The following HYDIN variants were observed in gnomAD, a reference collection of about 807,000 sequenced individuals.
HYDIN encodes axonemal central pair apparatus protein HYDIN.
In HYDIN, 132 loss-of-function variants were observed where a neutral mutation model predicts 403.9. That is an observed-to-expected ratio of 0.33 (90% confidence interval 0.28 to 0.38). The LOEUF is 0.38. HYDIN is among the 10% of genes least tolerant of loss of function. The pLI, the probability that HYDIN is intolerant of heterozygous loss-of-function variation, is 1.00. For synonymous variants in HYDIN, 1,202 were observed against 1,891.7 expected, an observed-to-expected ratio of 0.64 and a Z score of 9.46; for missense variants, 2,827 against 5,009.5, an observed-to-expected ratio of 0.56 and a Z score of 13.15.
chr16:71,042,997 T>C (rs1446799958), intron 18 of HYDIN, among the ~76,000 whole-genome samples: 2 of 151,270 alleles, frequency 1.3e-5, no homozygotes, highest in African/African-American at 2.4e-5. Context: ...AAAAGGTATG[T>C]GGAGTGTAAA....
rs1232693400 is a variant in HYDIN at position 70,833,052 on chromosome 16, G to A, written c.13695C>T (p.Ile4565=). Residue 4565 remains isoleucine (I), a synonymous_variant, in exon 80 of 86, where the codon ATC becomes ATT. Transcript: ENST00000393567. Reference sequence around the variant, plus strand: ...TGGAGAAATGAGGCTCAAATTTTTTGATGTCCCATTTAAACCTTTTCCAAG... The same window carrying A: ...TGGAGAAATGAGGCTCAAATTTTTTAATGTCCCATTTAAACCTTTTCCAAG... ...GDVGARFKWD[I]KKFEPHFSIS... is the part of the protein sequence containing the mutation. 6.2e-7 allele frequency: 1 copy of A among 1,612,702 alleles called. No homozygotes were observed. The highest frequency in any genetic ancestry group is 8.5e-7 in the Non-Finnish European group (1 of 1,179,520).
In HYDIN at chr16:71,022,439, T is replaced by C. The variant is rs145585078; in HGVS notation, c.3187-2122A>G. Among the ~76,000 whole-genome samples, 161 of 152,296 alleles carry C rather than the reference T, an allele frequency of 1.1e-3. 1 individual carries two copies. Among genetic ancestry groups the C allele is most frequent in the African/African-American group, 2.8e-3 (115 of 41,556 alleles). On this transcript the variant is annotated intron_variant, in intron 21 of 85. Coordinates refer to ENST00000393567, the MANE Select transcript of HYDIN (RefSeq NM_001270974.2). ...TCTCCGTGGCTTATGAATGGTACGATAGTTATAAAGTAGACCAAATCTGAG... is the reference window on the plus strand; with the variant it reads ...TCTCCGTGGCTTATGAATGGTACGACAGTTATAAAGTAGACCAAATCTGAG...
chr16:71,223,613 T>G (rs1212197580), intron 1 of HYDIN, among the ~76,000 whole-genome samples: 1 of 138,644 alleles, frequency 7.2e-6, no homozygotes, highest in Non-Finnish European at 1.5e-5. Flanking sequence ...TACAAGGAGC[T>G]CAAACAAATC....
intron 50 of HYDIN, among the ~76,000 whole-genome samples, chr16:70,906,542 T>C (rs1431209887): frequency 2.0e-5 from 3 of 152,120 alleles, no homozygotes; most frequent in African/African-American, 7.2e-5. Flanking sequence ...TTGATGGCCC[T>C]TCCCATCTCC....
At chr16:71,063,290 A>T (rs2082151412) in intron 16 of HYDIN, among the ~76,000 whole-genome samples, 2 of 152,152 alleles carry the variant, frequency 1.3e-5, no homozygotes, top group Non-Finnish European at 2.9e-5. Context: ...GGCCCAGTCT[A>T]ACTCCTCCCT....
At chr16:71,228,544 G>A (rs2041140698) in intron 1 of HYDIN, among the ~76,000 whole-genome samples, 1 of 152,190 alleles carries the variant, frequency 6.6e-6, no homozygotes. Flanking sequence ...GCAGCCAACA[G>A]ACACATGAAA....
intron 27 of HYDIN, among the ~76,000 whole-genome samples, chr16:70,986,247 C>T (rs1208477818): frequency 5.6e-5 from 8 of 142,972 alleles, no homozygotes; most frequent in African/African-American, 1.8e-4. Context: ...TGTAACAGGC[C>T]AGTCATGTTC....
intron 18 of HYDIN, among the ~76,000 whole-genome samples, 198 bp from the exon 19 acceptor site, chr16:71,032,115 C>T (rs2080935218): frequency 6.6e-6 from 1 of 151,514 alleles, no homozygotes; most frequent in Non-Finnish European, 1.5e-5. Flanking sequence ...GAAGAGCAAA[C>T]CTACGATTTT....
chr16:71,195,679 C>A (rs986702553), intron 1 of HYDIN, among the ~76,000 whole-genome samples: 45 of 152,104 alleles, frequency 3.0e-4, no homozygotes, highest in African/African-American at 1.0e-3. Context: ...TTCACATTGG[C>A]CTCTGCTCTC....
rs2086640329 is a variant in HYDIN at position 71,175,622 on chromosome 16, A to C, written c.501T>G (p.Thr167=). ...CTGGTATTACCTTGTTCTCCTCTGG[A>C]GTAAAGAGGATTCGGAATATGGAAG... The part of the protein sequence containing the change: ...GVPSIFRILF[T]PEENKDYAHT... Residue 167 remains threonine (T), a synonymous_variant, in exon 5 of 86, where the codon ACT becomes ACG. Transcript: ENST00000393567. 2 of 1,614,026 alleles carry C rather than the reference A, an allele frequency of 1.2e-6. No homozygotes were observed. Among genetic ancestry groups the C allele is most frequent in the African/African-American group, 2.7e-5 (2 of 74,924 alleles).
Position 71,162,803 on chromosome 16 carries a change from C to T in HYDIN, c.517-73G>A, listed in dbSNP as rs577337142. 2.9e-4 allele frequency: 168 copies of T among 579,642 alleles called. 1 individual carries two copies. In the East Asian group the frequency reaches 3.8e-3, roughly 13 times the overall value. 35.9% of individuals were successfully genotyped at this position (579,642 alleles called of 1,614,324 possible). The stretch of plus-strand genomic sequence containing the variant: ...CACGATAACTGTTCAAGAAAAGGGT[C>T]GATGAGAGGCATTTTGCAAAACAAC... On this transcript the variant is annotated intron_variant, in intron 5 of 85. Transcript: ENST00000393567.
At chr16:71,193,212 A>T (rs2087523050) in intron 1 of HYDIN, among the ~76,000 whole-genome samples, 1 of 152,258 alleles carries the variant, frequency 6.6e-6, no homozygotes, top group Non-Finnish European at 1.5e-5. Flanking sequence ...TTGTTGAAGG[A>T]ATATTAAATT....
intron 1 of HYDIN, among the ~76,000 whole-genome samples, chr16:71,198,698 A>T (rs72795720): frequency 7.8e-4 from 118 of 152,146 alleles, no homozygotes; most frequent in Non-Finnish European, 1.2e-3. Context: ...TGGGATGGAG[A>T]TGATATTTCC....
chr16:71,003,801 A>C (rs13339435), intron 23 of HYDIN, among the ~76,000 whole-genome samples: 2,836 of 151,782 alleles, frequency 0.019, 84 homozygotes, highest in African/African-American at 0.064. Context: ...TCCATCTCAA[A>C]AAAAAAAAAA....
chr16:71,106,666 T>C (rs1250634271), intron 10 of HYDIN, among the ~76,000 whole-genome samples: 3 of 152,038 alleles, frequency 2.0e-5, no homozygotes, highest in Non-Finnish European at 2.9e-5. Flanking sequence ...TTTTCCTGTC[T>C]CTGAACATAT....
intron 6 of HYDIN, among the ~76,000 whole-genome samples, chr16:71,158,812 G>C (rs1439765163): frequency 6.7e-6 from 1 of 149,972 alleles, no homozygotes; most frequent in Admixed American, 6.7e-5. Context: ...CTCCCAAGTA[G>C]CTGGAACTGC....
intron 75 of HYDIN, among the ~76,000 whole-genome samples, chr16:70,843,596 T>C (rs1281019619): frequency 1.4e-5 from 2 of 140,978 alleles, no homozygotes; most frequent in African/African-American, 5.9e-5. Flanking sequence ...TTACTAATTC[T>C]AGGTCCCTGA....
At chr16:71,086,304 C>G (rs1195134619) in intron 12 of HYDIN, among the ~76,000 whole-genome samples, 1 of 151,976 alleles carries the variant, frequency 6.6e-6, no homozygotes, top group Non-Finnish European at 1.5e-5. Flanking sequence ...AATATACAAC[C>G]TTGCTTGAAG....
In HYDIN at chr16:70,807,295, ATTACAAAGTAC is replaced by A; in HGVS notation, c.*274_*284del. 2.8e-6 allele frequency: 1 copy of A among 355,078 alleles called. No individual in the cohort carries two copies. The highest frequency in any genetic ancestry group is 5.1e-6 in the Non-Finnish European group (1 of 197,844). 22.0% of individuals were successfully genotyped at this position (355,078 alleles called of 1,614,324 possible). On this transcript the variant is annotated 3_prime_UTR_variant, in exon 86 of 86. Coordinates refer to ENST00000393567, the MANE Select transcript of HYDIN (RefSeq NM_001270974.2). ...TGCCTTCTTGATAAAAATGGGAATTATTACAAAGTACTTGAGCTTTGGGGCTATGTCAAGAA... is the reference window on the plus strand; with the variant it reads ...TGCCTTCTTGATAAAAATGGGAATTATTGAGCTTTGGGGCTATGTCAAGAA...
Sources: gnomAD v4.1 joint callset for allele counts (sites outside exome capture counted in the v4.1 genomes callset) on GRCh38, gnomAD v4.1.1 for gene constraint, MANE v1.5 for transcripts, NCBI Gene and HGNC (gene_info 2026-07-23, HGNC 2026-07-21) for gene names.